PCCB: variants seen among roughly 807,000 people sequenced by gnomAD.
PCCB encodes the protein propionyl-CoA carboxylase beta chain, mitochondrial.
Under a neutral mutation model 60.7 loss-of-function variants are expected in PCCB, and 43 were observed. That is an observed-to-expected ratio of 0.71 (90% CI 0.55 to 0.91). The LOEUF (loss-of-function observed/expected upper bound fraction) is 0.91. Among genes scored for constraint, PCCB ranks in the 40% least tolerant of loss-of-function variants. The probability of loss-of-function intolerance (pLI) is 0.00; values close to 1 mark genes in which losing one functional copy is unlikely to be tolerated. For synonymous variants in PCCB, 276 were observed against 255.9 expected (o/e 1.08, Z -0.75); for missense variants, 766 against 702.8 (o/e 1.09, Z -1.02).
chr3:136,260,614 A>G, intron 4 of PCCB, 79 bp downstream of exon 4: 7 of 1,206,646 alleles, frequency 5.8e-6, no homozygotes, highest in East Asian at 4.8e-5. Flanking sequence ...GGGGTACAAG[A>G]CACTGAGCTA....
intron 9 of PCCB, among the ~76,000 whole-genome samples, chr3:136,304,370 G>A (rs1234914741): frequency 8.6e-6 from 1 of 116,306 alleles, no homozygotes. Flanking sequence ...GCCCAGGCTG[G>A]CTTTTCCAAT....
chr3:136,325,190 AT>A (rs551958082), intron 10 of PCCB, among the ~76,000 whole-genome samples: 16 of 150,372 alleles, frequency 1.1e-4, no homozygotes, highest in African/African-American at 3.4e-4. Context: ...ACATCTGGCC[AT>A]TTTTTTTTGT....
At chr3:136,306,349 T>G (rs1192603687) in intron 9 of PCCB, among the ~76,000 whole-genome samples, 1 of 121,694 alleles carries the variant, frequency 8.2e-6, no homozygotes, top group Non-Finnish European at 1.8e-5. Context: ...AAGTTAAAGC[T>G]GATTGAATTA....
At chr3:136,312,222 T>C (rs1934696156) in intron 9 of PCCB, among the ~76,000 whole-genome samples, 1 of 152,234 alleles carries the variant, frequency 6.6e-6, no homozygotes, top group African/African-American at 2.4e-5. Context: ...GCGACCATCA[T>C]AGAGTGTACT....
rs1934012216 is a variant in PCCB, at chr3:136,297,983, T to C, written c.795T>C (p.Val265=). The C allele has an allele frequency of 3.1e-6, 5 of 1,614,040 alleles. No homozygotes were observed. Among genetic ancestry groups the C allele is most frequent in the Non-Finnish European group, 4.2e-6 (5 of 1,179,998 alleles). The change falls in exon 8 of 15, where the codon GTT becomes GTC. Residue 265 remains valine, a synonymous_variant. Transcript: ENST00000251654. ...CCCACAGAGCTTTTGAAAATGATGT[T>C]GATGCCTTGTGTAATCTCCGGGATT... ...GVAHRAFEND[V]DALCNLRDFF... is the part of the protein sequence containing the mutation.
chr3:136,309,758 C>T (rs1489247782), intron 9 of PCCB, among the ~76,000 whole-genome samples: 2 of 150,936 alleles, frequency 1.3e-5, no homozygotes, highest in Non-Finnish European at 2.9e-5. Context: ...GCTGTGATTG[C>T]ACCATCATAC....
In PCCB at chr3:136,275,938, T is replaced by A. The variant is rs185578376; in HGVS notation, c.544-7899T>A. Among the ~76,000 whole-genome samples the A allele has an allele frequency of 1.6e-4, 24 of 152,184 alleles. No homozygotes were observed. The East Asian group carries it at 4.3e-3, about 27-fold the overall frequency. On this transcript the variant is annotated intron_variant, in intron 5 of 14. Transcript: ENST00000251654. ...GGTGTGCACCACTACGCCTGGCTAA[T>A]TTTTGTATTTTTAGTAGAGACGGGG...
chr3:136,314,481 C>A lies in PCCB; in HGVS notation c.967-2460C>A, dbSNP rs540535621. ...CCCAGCCCGGCCAATACGGTGAAAC[C>A]CTGTCTCTACTAAAAATACAAAAAT... On this transcript the variant is annotated intron_variant, in intron 9 of 14. Transcript: ENST00000251654. 2.0e-5 allele frequency among the ~76,000 whole-genome samples: 3 copies of A among 152,080 alleles called. No individual in the cohort carries two copies. In the East Asian group the frequency reaches 5.8e-4, roughly 29 times the overall value.
At chr3:136,297,823 G>T (rs1934003422) in intron 7 of PCCB, 129 bp from the exon 8 acceptor site, 1 of 949,908 alleles carries the variant, frequency 1.1e-6, no homozygotes, top group Non-Finnish European at 1.7e-6. Context: ...TCAGTGGAGG[G>T]TGCAGAGAAC....
rs1300418835 is a variant in PCCB, at chr3:136,304,942, G to A, written c.966+3831G>A. 2.5e-5 allele frequency among the ~76,000 whole-genome samples: 3 copies of A among 121,104 alleles called. 1 individual carries two copies. Among genetic ancestry groups the A allele is most frequent in the Non-Finnish European group, 3.7e-5 (2 of 54,426 alleles). The allele number at this position is 121,104 out of a possible 152,430, so 79.4% of individuals were successfully genotyped here. On this transcript the variant is annotated intron_variant, in intron 9 of 14. Transcript: ENST00000251654. The stretch of plus-strand genomic sequence containing the variant: ...CCTGACCTCATGATCCGCCTGCCTC[G>A]GCCTCCCAAAGTGCTGGGATTACAG...
rs35923895 is a variant in PCCB at position 136,253,664 on chromosome 3, A to ATTT, written c.184-2173_184-2171dup. On this transcript the variant is annotated intron_variant, in intron 1 of 14. Transcript: ENST00000251654. ...CCTCCCAAAGTGCTGGGATGACAGA[A>ATTT]TTTTTTTTTTTTTTTTTTTTTCTTG... Among the ~76,000 whole-genome samples the ATTT allele has an allele frequency of 4.2e-4, 52 of 123,454 alleles. 1 individual carries two copies. The highest frequency in any genetic ancestry group is 9.5e-4 in the African/African-American group (31 of 32,784). 81.0% of individuals were successfully genotyped at this position (123,454 alleles called of 152,430 possible).
rs1222162749 is a variant in PCCB at position 136,316,890 on chromosome 3, C to T, written c.967-51C>T. On this transcript the variant is annotated intron_variant, in intron 9 of 14. Transcript: ENST00000251654. ...ATGTCATTCTGTAGTGTCATTACAT[C>T]TTATACTTGTCTTTACCATTTTGAG... 1.9e-6 allele frequency: 3 copies of T among 1,601,420 alleles called. No homozygotes were observed. The African/African-American group carries it at 4.0e-5, about 21-fold the overall frequency.
At chr3:136,291,835 T>G (rs1933707262) in intron 6 of PCCB, among the ~76,000 whole-genome samples, 1 of 152,202 alleles carries the variant, frequency 6.6e-6, no homozygotes, top group Non-Finnish European at 1.5e-5. Flanking sequence ...TTTCTCTGAT[T>G]ATCACTGTGA....
intron 13 of PCCB, among the ~76,000 whole-genome samples, chr3:136,328,467 G>A (rs1232614126): frequency 1.3e-5 from 2 of 152,196 alleles, no homozygotes; most frequent in Non-Finnish European, 2.9e-5. Flanking sequence ...AATATGATGA[G>A]TGCAAATGGA....
chr3:136,261,854 A>C, intron 4 of PCCB, 98 bp from the exon 5 acceptor site: 1 of 810,976 alleles, frequency 1.2e-6, no homozygotes, highest in South Asian at 1.5e-5. Context: ...TGAAAAGTGC[A>C]CTCAGAACGT....
intron 6 of PCCB, among the ~76,000 whole-genome samples, chr3:136,291,211 G>A (rs1235076100): frequency 4.6e-5 from 7 of 152,040 alleles, no homozygotes; most frequent in African/African-American, 1.7e-4. Flanking sequence ...GGGCTCAAGT[G>A]ATCCTCCCAC....
At chr3:136,319,258 G>A (rs1935023799) in intron 10 of PCCB, among the ~76,000 whole-genome samples, 1 of 151,380 alleles carries the variant, frequency 6.6e-6, no homozygotes, top group African/African-American at 2.4e-5. Context: ...AATTTTGTGT[G>A]TTTTTTGTTG....
intron 5 of PCCB, among the ~76,000 whole-genome samples, chr3:136,262,809 C>T (rs1296276835): frequency 6.6e-6 from 1 of 152,190 alleles, no homozygotes; most frequent in Non-Finnish European, 1.5e-5. Flanking sequence ...ATGGCTTGGC[C>T]TAAGCAGTTT....
At position 136,314,149 on chromosome 3, in the gene PCCB, T is replaced by A. The variant is rs376285678; in HGVS notation, c.967-2792T>A. On this transcript the variant is annotated intron_variant, in intron 9 of 14. Coordinates refer to ENST00000251654, the MANE Select transcript of PCCB (RefSeq NM_000532.5). ...CAGAAAGTAAGATACTTCCAAAATA[T>A]AAGGTAGTGCTCAAAGAATGATGGG... 2.0e-5 allele frequency among the ~76,000 whole-genome samples: 3 copies of A among 151,868 alleles called. No homozygotes were observed. In the East Asian group the frequency reaches 5.8e-4, roughly 29 times the overall value.
Sources: allele counts gnomAD v4.1 joint callset (sites outside exome capture counted in the v4.1 genomes callset), GRCh38; gene constraint gnomAD v4.1.1; transcripts MANE v1.5; gene names NCBI Gene and HGNC (gene_info 2026-07-23, HGNC 2026-07-21).